Variants in TPRX1 observed in about 807,000 individuals in gnomAD.
The protein encoded by TPRX1 is tetrapeptide repeat homeobox 1.
In TPRX1, 2 loss-of-function variants were observed where a neutral mutation model predicts 8.1. The observed-to-expected ratio is 0.25, with a 90% CI of 0.10 to 0.78. The LOEUF (loss-of-function observed/expected upper bound fraction) is 0.78, where lower values mean the gene tolerates loss of function less well. Among genes scored for constraint, TPRX1 ranks in the 30% least tolerant of loss-of-function variants. The probability of loss-of-function intolerance (pLI) is 0.70; values close to 1 mark genes in which losing one functional copy is unlikely to be tolerated. For synonymous variants in TPRX1, 257 were observed against 254.1 expected (o/e 1.01, Z -0.11); for missense variants, 517 against 586.9 (o/e 0.88, Z 1.23).
intron 3 of TPRX1, 131 bp from the exon 3 acceptor site, chr19:47,803,111 A>C: frequency 2.1e-6 from 2 of 958,660 alleles, no homozygotes; most frequent in Non-Finnish European, 2.8e-6. Context: ...CCCCACCAAA[A>C]GAGGGCCCCG....
intron 2 of TPRX1, among the ~76,000 whole-genome samples, chr19:47,808,645 G>A (rs1267798392): frequency 4.6e-5 from 6 of 130,362 alleles, no homozygotes; most frequent in Non-Finnish European, 9.0e-5. Flanking sequence ...TAGTAGAGAT[G>A]GGGTTTCACC....
intron 2 of TPRX1, among the ~76,000 whole-genome samples, chr19:47,816,565 C>T (rs1393881557): frequency 3.6e-5 from 5 of 140,080 alleles, no homozygotes; most frequent in East Asian, 4.2e-4. Context: ...TGGAGTCTCA[C>T]GCCGTCGCCC....
chr19:47,801,800 C>A lies in TPRX1; in HGVS notation c.1502G>T (p.Gly501Val), dbSNP rs534452002. The change falls in exon 4 of 4, where the codon GGC (glycine) becomes GTC (valine). Residue 501 changes from glycine to valine, a missense_variant. Gly to Val is a moderately radical substitution (Grantham distance 109). Coordinates refer to ENST00000535759, the Ensembl canonical transcript of TPRX1. Reference sequence around the variant, plus strand: ...CTATAAATCCAGTAATAACCTGGGGCCTGAGTGATTTTCATTCACAGAGCC... The same window carrying A: ...CTATAAATCCAGTAATAACCTGGGGACTGAGTGATTTTCATTCACAGAGCC... 2.7e-5 allele frequency: 44 copies of A among 1,613,742 alleles called. No homozygotes were observed. The highest frequency in any genetic ancestry group is 6.7e-5 in the African/African-American group (5 of 75,018).
intron 1 of TPRX1, chr19:47,818,688 T>A: frequency 2.6e-6 from 1 of 384,522 alleles, no homozygotes; most frequent in South Asian, 1.9e-5. Flanking sequence ...AACAACCTGA[T>A]CCAAGGATCC....
chr19:47,806,860 C>T (rs531569184), intron 2 of TPRX1, among the ~76,000 whole-genome samples: 10 of 151,908 alleles, frequency 6.6e-5, no homozygotes, highest in Non-Finnish European at 1.3e-4. Context: ...CTAAAATTGA[C>T]TGTAGTGAAG....
At chr19:47,815,666 A>G (rs1319868992) in intron 2 of TPRX1, among the ~76,000 whole-genome samples, 1 of 147,602 alleles carries the variant, frequency 6.8e-6, no homozygotes, top group Non-Finnish European at 1.5e-5. Context: ...AAAAAAAAAA[A>G]GCAGGTGTGG....
intron 2 of TPRX1, among the ~76,000 whole-genome samples, chr19:47,813,291 G>A (rs1314362271): frequency 6.6e-6 from 1 of 151,590 alleles, no homozygotes; most frequent in Non-Finnish European, 1.5e-5. Flanking sequence ...TCCCCGACCT[G>A]CACTCCAGCC....
chr19:47,816,269 T>C (rs867146650), intron 2 of TPRX1, among the ~76,000 whole-genome samples: 2 of 152,070 alleles, frequency 1.3e-5, no homozygotes, highest in Admixed American at 6.6e-5. Flanking sequence ...GGTTTTGCCA[T>C]GTGGGCCAGG....
Position 47,801,948 on chromosome 19 carries a change from C to T in TPRX1, c.1354G>A (p.Glu452Lys), listed in dbSNP as rs201385619. The change falls in exon 4 of 4, where the codon GAG becomes AAG. Residue 452 changes from glutamate to lysine, a missense_variant. Physicochemically the swap from Glu to Lys is moderately conservative, Grantham distance 56 (BLOSUM62 1). Coordinates refer to ENST00000535759, the Ensembl canonical transcript of TPRX1. ...AAGGGGTCTAGGGGTAGGAGCAGCTCTGTGAAGTGAGGGAATAACTGGGTG... is the reference window on the plus strand; with the variant it reads ...AAGGGGTCTAGGGGTAGGAGCAGCTTTGTGAAGTGAGGGAATAACTGGGTG... 403 of 1,614,114 alleles carry T rather than the reference C, an allele frequency of 2.5e-4. 5 individuals carry two copies. In the South Asian group the frequency reaches 4.3e-3, roughly 17 times the overall value.
intron 2 of TPRX1, among the ~76,000 whole-genome samples, chr19:47,807,280 C>T (rs904409288): frequency 1.3e-5 from 2 of 152,162 alleles, no homozygotes; most frequent in Non-Finnish European, 2.9e-5. Context: ...TCGTCTCGAA[C>T]TCCTGAGTTT....
At chr19:47,809,518 AGT>A (rs1417709852) in intron 2 of TPRX1, among the ~76,000 whole-genome samples, 2 of 152,082 alleles carry the variant, frequency 1.3e-5, no homozygotes, top group Admixed American at 6.6e-5. Flanking sequence ...CCTGACCTCA[AGT>A]GATCCATCCA....
exon 1 of TPRX1, chr19:47,818,989 C>T (rs374329043): frequency 8.0e-5 from 19 of 237,480 alleles, no homozygotes; most frequent in East Asian, 1.1e-4. Context: ...CGAGAGCATG[C>T]GGTGTTTGGT....
intron 2 of TPRX1, among the ~76,000 whole-genome samples, chr19:47,810,743 A>G (rs1269619824): frequency 2.0e-5 from 3 of 151,914 alleles, no homozygotes; most frequent in Admixed American, 6.6e-5. Context: ...CAAGAGGCCC[A>G]CAGACACCTC....
At chr19:47,810,075 C>T (rs1198703398) in intron 2 of TPRX1, among the ~76,000 whole-genome samples, 6 of 151,234 alleles carry the variant, frequency 4.0e-5, no homozygotes, top group Admixed American at 1.3e-4. Context: ...GCCAACATGG[C>T]GAAACCCTGT....
At chr19:47,816,771 A>G (rs952216586) in intron 2 of TPRX1, among the ~76,000 whole-genome samples, 1 of 151,994 alleles carries the variant, frequency 6.6e-6, no homozygotes, top group Non-Finnish European at 1.5e-5. Flanking sequence ...TGACCTCGTG[A>G]TCTGCCCGCC....
At chr19:47,808,488 C>G (rs1377492813) in intron 2 of TPRX1, among the ~76,000 whole-genome samples, 1 of 151,558 alleles carries the variant, frequency 6.6e-6, no homozygotes, top group East Asian at 2.0e-4. Flanking sequence ...TGCAGTGGCT[C>G]TGCACTTTAA....
intron 2 of TPRX1, among the ~76,000 whole-genome samples, chr19:47,806,530 A>T (rs1967736655): frequency 6.6e-6 from 1 of 152,074 alleles, no homozygotes; most frequent in African/African-American, 2.4e-5. Flanking sequence ...AAAAAACAAA[A>T]CAACATCCCC....
intron 2 of TPRX1, among the ~76,000 whole-genome samples, chr19:47,814,839 G>A (rs975660196): frequency 2.0e-5 from 3 of 151,814 alleles, no homozygotes; most frequent in African/African-American, 4.8e-5. Flanking sequence ...CGCTCTTGTC[G>A]CCCAGGCTGG....
At chr19:47,812,972 TGG>T (rs1967796987) in intron 2 of TPRX1, among the ~76,000 whole-genome samples, 1 of 151,546 alleles carries the variant, frequency 6.6e-6, no homozygotes, top group Non-Finnish European at 1.5e-5. Context: ...CCAGGTATGG[TGG>T]CACGCGCCTG....
Sources: allele counts gnomAD v4.1 joint callset (sites outside exome capture counted in the v4.1 genomes callset), GRCh38; gene constraint gnomAD v4.1.1; transcripts MANE v1.5; gene names NCBI Gene and HGNC (gene_info 2026-07-23, HGNC 2026-07-21).